The following DNAH9 variants were observed in gnomAD, a reference collection of about 807,000 sequenced individuals.
DNAH9 encodes the protein DNAH9 variant protein.
A neutral mutation model predicts 471.6 loss-of-function variants in DNAH9; 345 were observed. The observed-to-expected ratio is 0.73, with a 90% confidence interval of 0.67 to 0.80. The LOEUF is 0.80. Ranked by LOEUF, DNAH9 falls within the 30% of genes least tolerant of loss-of-function variation. DNAH9 has a pLI of 0.00. For missense variants in DNAH9, 5,407 were observed against 5,609.2 expected (o/e 0.96, Z 1.15); for synonymous variants, 2,093 against 2,123.6 (o/e 0.99, Z 0.40).
intron 32 of DNAH9, among the ~76,000 whole-genome samples, chr17:11,752,095 A>G (rs1967178295): frequency 6.6e-6 from 1 of 152,198 alleles, no homozygotes; most frequent in Non-Finnish European, 1.5e-5. Flanking sequence ...CCATATGTGA[A>G]TAAATGAACA....
At position 11,854,031 on chromosome 17, in the gene DNAH9, G is replaced by A; in HGVS notation, c.9536G>A (p.Gly3179Asp). The change falls in exon 50 of 69, where the codon GGC (glycine) becomes GAC (aspartate). Residue 3179 changes from glycine (G) to aspartate (D), a missense_variant. Physicochemically the swap from Gly to Asp is moderately conservative, Grantham distance 94. Coordinates refer to ENST00000262442, the MANE Select transcript of DNAH9 (RefSeq NM_001372.4). The part of the protein sequence containing the change: ...KTNLTELKSF[G>D]SPPLAVSNVS... ...AACCTGACAGAGCTGAAGTCATTTG[G>A]CTCTCCGCCTCTGGCCGTCAGCAAT... The A allele has an allele frequency of 6.2e-7, 1 of 1,613,990 alleles. No individual in the cohort carries two copies. Among genetic ancestry groups the A allele is most frequent in the Non-Finnish European group, 8.5e-7 (1 of 1,179,978 alleles).
intron 11 of DNAH9, among the ~76,000 whole-genome samples, chr17:11,645,682 C>T (rs141927702): frequency 3.3e-5 from 5 of 152,142 alleles, no homozygotes; most frequent in Non-Finnish European, 7.4e-5. Context: ...TGCTGTTTCT[C>T]ACCTCTACCC....
Position 11,705,668 on chromosome 17 carries a change from A to G in DNAH9, c.5552+483A>G, listed in dbSNP as rs562903932. ...TATAAGTTCTGTCATTCAACAGCAG[A>G]ATAGCATGACTATAGCTAGCAACAG... On this transcript the variant is annotated intron_variant, in intron 26 of 68. Transcript: ENST00000262442. Among the ~76,000 whole-genome samples the G allele has an allele frequency of 2.0e-5, 3 of 152,320 alleles. No homozygotes were observed. In the Middle Eastern group the frequency reaches 0.01, roughly 518 times the overall value.
chr17:11,686,820 T>A (rs1465232245), intron 19 of DNAH9, among the ~76,000 whole-genome samples: 1 of 152,230 alleles, frequency 6.6e-6, no homozygotes, highest in Non-Finnish European at 1.5e-5. Flanking sequence ...AGCTCCTATC[T>A]TACCTAAAAA....
chr17:11,871,005 G>A (rs376109801), intron 51 of DNAH9, among the ~76,000 whole-genome samples: 7 of 152,106 alleles, frequency 4.6e-5, no homozygotes, highest in African/African-American at 1.7e-4. Context: ...GCAAAGCTCC[G>A]CCATACCACT....
intron 14 of DNAH9, among the ~76,000 whole-genome samples, chr17:11,657,573 C>G (rs2073676118): frequency 6.6e-6 from 1 of 151,976 alleles, no homozygotes; most frequent in African/African-American, 2.4e-5. Context: ...TTTCCCTTTT[C>G]TCCTCTTGTG....
chr17:11,727,964 T>G (rs1213765371), intron 28 of DNAH9, 42 bp downstream of exon 28: 1 of 1,262,222 alleles, frequency 7.9e-7, no homozygotes, highest in Non-Finnish European at 1.2e-6. Context: ...GTCTTCATAT[T>G]GATTACTGCG....
In DNAH9 at chr17:11,892,676, G is replaced by A. The variant is rs866742760; in HGVS notation, c.11283+729G>A. On this transcript the variant is annotated intron_variant, in intron 58 of 68. Transcript: ENST00000262442. This position sits in a 1 kb window ranked among gnomAD's most constrained non-coding sequence, Gnocchi z 4.3. ...AGTGATTCTCCTGCCTCAGGCTCCC[G>A]TGTAGCTGGGATTACAGGTGTGCGC... Among the ~76,000 whole-genome samples the A allele has an allele frequency of 2.0e-5, 3 of 152,064 alleles. No homozygotes were observed. The highest frequency in any genetic ancestry group is 1.9e-4 in the East Asian group (1 of 5,164).
chr17:11,768,327 G>A lies in DNAH9; in HGVS notation c.7171-126G>A, dbSNP rs559742239. On this transcript the variant is annotated intron_variant, in intron 36 of 68. Coordinates refer to ENST00000262442, the MANE Select transcript of DNAH9 (RefSeq NM_001372.4). ...CTGCCTTCCTGGAGGAGCTGGTCTA[G>A]CCGGCAGGCCCACACAGGGAGGAGC... is the stretch of plus-strand genomic sequence containing the variant. The A allele has an allele frequency of 1.6e-5, 16 of 972,732 alleles. No individual in the cohort carries two copies. In the East Asian group the frequency reaches 3.6e-4, roughly 22 times the overall value. 60.3% of individuals were successfully genotyped at this position (972,732 alleles called of 1,614,324 possible).
At chr17:11,853,421 G>A (rs991862860) in intron 49 of DNAH9, among the ~76,000 whole-genome samples, 1 of 152,122 alleles carries the variant, frequency 6.6e-6, no homozygotes, top group Non-Finnish European at 1.5e-5. Context: ...TGTCTTTCTG[G>A]AACAAGCAAA....
chr17:11,920,637 A>G lies in DNAH9; in HGVS notation c.11750-3177A>G, dbSNP rs565632300. Among the ~76,000 whole-genome samples the G allele has an allele frequency of 3.5e-4, 52 of 150,706 alleles. No homozygotes were observed. The South Asian group carries it at 0.011, about 32-fold the overall frequency. On this transcript the variant is annotated intron_variant, in intron 61 of 68. Coordinates refer to ENST00000262442, the MANE Select transcript of DNAH9 (RefSeq NM_001372.4). ...CTCCATCTCAAAAAAAAAAAAAAAG[A>G]AAAGAAAAAAGAAAGAAAGATGAGG...
intron 48 of DNAH9, among the ~76,000 whole-genome samples, chr17:11,830,746 G>T (rs907462326): frequency 6.6e-6 from 1 of 152,178 alleles, no homozygotes; most frequent in Non-Finnish European, 1.5e-5. Context: ...GAATTCGTTT[G>T]TATAACTGAA....
chr17:11,759,517 CTTTTTT>C (rs1157505657), intron 35 of DNAH9, among the ~76,000 whole-genome samples: 73 of 83,970 alleles, frequency 8.7e-4, no homozygotes, highest in African/African-American at 3.1e-3. Context: ...ATACACACCA[CTTTTTT>C]TTTTTTTTTT....
At chr17:11,738,309 AAC>A (rs1340032807) in intron 28 of DNAH9, among the ~76,000 whole-genome samples, 1 of 152,218 alleles carries the variant, frequency 6.6e-6, no homozygotes, top group Non-Finnish European at 1.5e-5. Flanking sequence ...CAGGGAGTTA[AAC>A]ACCTGTTTGC....
intron 35 of DNAH9, 128 bp from the exon 36 acceptor site, chr17:11,763,312 G>T (rs1221688328): frequency 1.1e-5 from 9 of 785,748 alleles, no homozygotes; most frequent in Non-Finnish European, 1.9e-5. Flanking sequence ...CGCTCTGGTT[G>T]TCTGTAATCC....
intron 48 of DNAH9, among the ~76,000 whole-genome samples, chr17:11,827,998 G>A (rs527925601): frequency 6.6e-6 from 1 of 152,098 alleles, no homozygotes; most frequent in Admixed American, 6.5e-5. Context: ...GATCACTATT[G>A]GCTCTGACTT....
At chr17:11,639,655 T>G (rs1242532214) in intron 9 of DNAH9, among the ~76,000 whole-genome samples, 1 of 152,124 alleles carries the variant, frequency 6.6e-6, no homozygotes, top group Admixed American at 6.5e-5. Context: ...AGTTGTCTGT[T>G]TAAGGGAGTG....
At chr17:11,737,248 T>C (rs1226322254) in intron 28 of DNAH9, among the ~76,000 whole-genome samples, 3 of 152,206 alleles carry the variant, frequency 2.0e-5, no homozygotes, top group African/African-American at 7.2e-5. Flanking sequence ...GAATCCTAAT[T>C]GTAGAACTGT....
chr17:11,931,054 G>C (rs1036437260), intron 63 of DNAH9, among the ~76,000 whole-genome samples: 2 of 152,196 alleles, frequency 1.3e-5, no homozygotes, highest in African/African-American at 4.8e-5. Flanking sequence ...TGCGGCCCAG[G>C]CCTCTTTGAT....
Sources: allele counts gnomAD v4.1 joint callset (sites outside exome capture counted in the v4.1 genomes callset), GRCh38; gene constraint gnomAD v4.1.1; non-coding constraint Gnocchi (gnomAD v3.1); transcripts MANE v1.5; gene names NCBI Gene and HGNC (gene_info 2026-07-23, HGNC 2026-07-21).